The following RPTOR variants were observed in gnomAD, a reference collection of about 807,000 sequenced individuals.
RPTOR encodes the protein regulatory-associated protein of mTOR.
In RPTOR, 21 loss-of-function variants were observed where a neutral mutation model predicts 169.9. The ratio of observed to expected loss-of-function variants is 0.12; its 90% confidence interval spans 0.09 to 0.18. The LOEUF (loss-of-function observed/expected upper bound fraction) is 0.18. RPTOR is among the 10% of genes least tolerant of loss of function. The pLI is 1.00. For missense variants in RPTOR, 1,133 were observed against 1,855.9 expected, an observed-to-expected ratio of 0.61 and a Z score of 7.16; for synonymous variants, 732 against 753.2, an observed-to-expected ratio of 0.97 and a Z score of 0.46.
chr17:80,584,515 C>T (rs192429539), intron 1 of RPTOR, among the ~76,000 whole-genome samples: 4 of 152,106 alleles, frequency 2.6e-5, no homozygotes, highest in Admixed American at 1.3e-4. Flanking sequence ...TCATCATCTG[C>T]GGATGGAGGG....
At chr17:80,836,413 A>G (rs887699639) in intron 9 of RPTOR, among the ~76,000 whole-genome samples, 5 of 152,104 alleles carry the variant, frequency 3.3e-5, no homozygotes, top group African/African-American at 1.2e-4. Flanking sequence ...ATGCCAGGGC[A>G]CCTGCAGGAT....
intron 3 of RPTOR, among the ~76,000 whole-genome samples, chr17:80,652,458 T>C (rs9912051): frequency 0.37 from 56,751 of 152,088 alleles, 11,665 homozygotes; most frequent in African/African-American, 0.56. Flanking sequence ...TTTTCAAGAT[T>C]CCTCCATGCT....
intron 3 of RPTOR, among the ~76,000 whole-genome samples, chr17:80,647,486 G>A (rs1283480688): frequency 6.6e-6 from 1 of 152,162 alleles, no homozygotes; most frequent in Non-Finnish European, 1.5e-5. Flanking sequence ...GCTGGAGCCT[G>A]TGGAAAAAGA....
chr17:80,698,571 C>T (rs115562010), intron 3 of RPTOR, among the ~76,000 whole-genome samples: 1 of 152,290 alleles, frequency 6.6e-6, no homozygotes, highest in African/African-American at 2.4e-5. Context: ...CATCCTAGGC[C>T]GGCAGCTGGT....
chr17:80,580,478 C>T lies in RPTOR; in HGVS notation c.162+34687C>T, dbSNP rs150158428. On this transcript the variant is annotated intron_variant, in intron 1 of 33. Transcript: ENST00000306801. ...CTTTGCAATTAAGTAGACGCTTGAC[C>T]GTTTCATTGTTTTAATTATACTTTT... 3.6e-3 allele frequency among the ~76,000 whole-genome samples: 541 copies of T among 152,238 alleles called. 1 individual carries two copies. Among genetic ancestry groups the T allele is most frequent in the African/African-American group, 0.012 (510 of 41,550 alleles).
At chr17:80,821,786 CT>C (rs1357187618) in intron 7 of RPTOR, among the ~76,000 whole-genome samples, 1 of 152,234 alleles carries the variant, frequency 6.6e-6, no homozygotes, top group Non-Finnish European at 1.5e-5. Context: ...GGCGAGACTC[CT>C]CCCAGCATGG....
chr17:80,810,063 A>ATAAG (rs1365191331), intron 7 of RPTOR, among the ~76,000 whole-genome samples: 1 of 112,494 alleles, frequency 8.9e-6, no homozygotes, highest in Non-Finnish European at 1.9e-5. Context: ...AAATAAATAA[A>ATAAG]TAAATAAATA....
At chr17:80,748,157 T>G (rs2440664) in intron 5 of RPTOR, among the ~76,000 whole-genome samples, 77 of 38,978 alleles carry the variant, frequency 2.0e-3, no homozygotes, top group Admixed American at 3.2e-3. Flanking sequence ...GGCCGTGGCG[T>G]GAGGACCTGT....
intron 1 of RPTOR, among the ~76,000 whole-genome samples, chr17:80,619,726 C>T (rs2065341023): frequency 6.6e-6 from 1 of 152,162 alleles, no homozygotes; most frequent in Admixed American, 6.5e-5. Flanking sequence ...GTGTTGGGTG[C>T]TGCTCCAAAC....
chr17:80,578,089 T>C (rs1467875675), intron 1 of RPTOR, among the ~76,000 whole-genome samples: 1 of 152,162 alleles, frequency 6.6e-6, no homozygotes, highest in East Asian at 1.9e-4. Flanking sequence ...GATTGCACGT[T>C]ACATTGGAAT....
chr17:80,728,625 T>C (rs2066361285), intron 4 of RPTOR, among the ~76,000 whole-genome samples: 2 of 152,194 alleles, frequency 1.3e-5, no homozygotes, highest in Non-Finnish European at 2.9e-5. Context: ...GTTGATTTGT[T>C]TGTCTCCCTC....
chr17:80,705,473 A>T (rs1250161443), intron 3 of RPTOR, among the ~76,000 whole-genome samples: 1 of 152,238 alleles, frequency 6.6e-6, no homozygotes, highest in Non-Finnish European at 1.5e-5. Flanking sequence ...CATCTGAAAG[A>T]TATTCATACA....
intron 1 of RPTOR, among the ~76,000 whole-genome samples, chr17:80,621,213 G>T (rs534929866): frequency 6.6e-6 from 1 of 152,282 alleles, no homozygotes; most frequent in Admixed American, 6.5e-5. Context: ...GTGAGGTGAG[G>T]CCCCTAGCCA....
intron 1 of RPTOR, among the ~76,000 whole-genome samples, chr17:80,599,893 T>G (rs747714362): frequency 1.3e-5 from 2 of 152,058 alleles, no homozygotes; most frequent in African/African-American, 4.8e-5. Flanking sequence ...GTTTAGGAGA[T>G]TTCCAGGCAG....
At chr17:80,592,245 G>A (rs960880724) in intron 1 of RPTOR, among the ~76,000 whole-genome samples, 4 of 152,204 alleles carry the variant, frequency 2.6e-5, no homozygotes, top group Admixed American at 6.5e-5. Flanking sequence ...AGACTAAATT[G>A]TGTCTGGGCT....
At chr17:80,571,075 G>A (rs751459450) in intron 1 of RPTOR, among the ~76,000 whole-genome samples, 13 of 152,150 alleles carry the variant, frequency 8.5e-5, no homozygotes, top group Admixed American at 2.0e-4. Flanking sequence ...TGTTAAACAC[G>A]TAAGAGGATT....
intron 6 of RPTOR, among the ~76,000 whole-genome samples, chr17:80,765,115 C>T (rs182057564): frequency 3.3e-5 from 5 of 152,258 alleles, no homozygotes; most frequent in Admixed American, 6.5e-5. Flanking sequence ...ATGAAGAGAG[C>T]GAATCTGAAA....
chr17:80,739,680 A>G (rs1197793490), intron 5 of RPTOR, among the ~76,000 whole-genome samples: 1 of 152,232 alleles, frequency 6.6e-6, no homozygotes, highest in Non-Finnish European at 1.5e-5. Flanking sequence ...TGTGAAAAAA[A>G]TTAAACAACG....
rs547480933 is a variant in RPTOR, at chr17:80,918,024, G to C, written c.2521-4700G>C. The stretch of plus-strand genomic sequence containing the variant: ...ACCACAAGGATGGATGCTCAGAACA[G>C]TGGGATGAGCCGCCCCAGGAATGTG... On this transcript the variant is annotated intron_variant, in intron 21 of 33. Transcript: ENST00000306801. 3.9e-5 allele frequency among the ~76,000 whole-genome samples: 6 copies of C among 152,358 alleles called. No individual in the cohort carries two copies. The East Asian group carries it at 1.2e-3, about 29-fold the overall frequency.
Sources: gnomAD v4.1 joint callset for allele counts (sites outside exome capture counted in the v4.1 genomes callset) on GRCh38, gnomAD v4.1.1 for gene constraint, MANE v1.5 for transcripts, NCBI Gene and HGNC (gene_info 2026-07-23, HGNC 2026-07-21) for gene names.